The following PKD1 variants were observed in gnomAD, a reference collection of about 807,000 sequenced individuals.
PKD1 encodes polycystin-1.
In PKD1, 81 loss-of-function variants were observed where a neutral mutation model predicts 361.7. That is an observed-to-expected ratio of 0.22 (90% CI 0.19 to 0.27). The LOEUF is 0.27. Ranked by LOEUF, PKD1 falls within the 10% of genes least tolerant of loss-of-function variation. The pLI is 1.00. For synonymous variants in PKD1, 3,615 were observed against 2,818.3 expected, an observed-to-expected ratio of 1.28 and a Z score of -8.95; for missense variants, 6,399 against 6,118.3, an observed-to-expected ratio of 1.05 and a Z score of -1.53.
intron 1 of PKD1, chr16:2,135,269 C>T: frequency 1.0e-6 from 1 of 985,204 alleles, no homozygotes; most frequent in Non-Finnish European, 1.2e-6. Flanking sequence ...GGACGTCTGT[C>T]TCCAGACCCG....
chr16:2,097,085 G>T, intron 34 of PKD1, 63 bp downstream of exon 34: 1 of 1,158,992 alleles, frequency 8.6e-7, no homozygotes, highest in Non-Finnish European at 1.2e-6. Context: ...AACCACGGCT[G>T]CCTGGCCTGA....
chr16:2,103,076 C>T, intron 23 of PKD1, 106 bp from the exon 24 acceptor site: 1 of 1,363,358 alleles, frequency 7.3e-7, no homozygotes, highest in Non-Finnish European at 1.0e-6. Context: ...CCTGAAAGGC[C>T]ATAGGAGCCT....
At chr16:2,091,970 G>A in intron 40 of PKD1, 64 bp from the exon 41 acceptor site, 1 of 1,611,994 alleles carries the variant, frequency 6.2e-7, no homozygotes. Context: ...AGCCAGGCTG[G>A]TCAGGAGGCC....
At chr16:2,098,092 G>C (rs1360751543) in intron 30 of PKD1, 108 bp from the exon 31 acceptor site, 3 of 673,810 alleles carry the variant, frequency 4.5e-6, no homozygotes, top group Non-Finnish European at 8.1e-6. Context: ...CCATCTGACA[G>C]AATGTCCTAG....
At position 2,093,920 on chromosome 16, in the gene PKD1, G is replaced by A. The variant is rs779183324; in HGVS notation, c.10712C>T (p.Ala3571Val). ...GCTCGCACCCACCCACCCTGAGACA[G>A]CCACAGCCACAGCCACCAGGAGCAG... Reference protein sequence around the residue: ...LSLLLVAVAVAVSGWVGASFP... With the variant: ...LSLLLVAVAVVVSGWVGASFP... The change falls in exon 36 of 46, where the codon GCT (alanine) becomes GTT (valine). Residue 3571 changes from alanine (A) to valine (V), a missense_variant. By Grantham distance (64) the Ala-to-Val change is moderately conservative. Coordinates refer to ENST00000262304, the MANE Select transcript of PKD1 (RefSeq NM_001009944.3). The A allele has an allele frequency of 6.3e-6, 10 of 1,581,328 alleles. No individual in the cohort carries two copies. The South Asian group carries it at 9.1e-5, about 14-fold the overall frequency.
chr16:2,127,737 G>C (rs2092817086), intron 1 of PKD1, among the ~76,000 whole-genome samples: 1 of 151,302 alleles, frequency 6.6e-6, no homozygotes, highest in Non-Finnish European at 1.5e-5. Flanking sequence ...TTACAGGTGA[G>C]GAAACTGAGG....
rs2092506470 is a variant in PKD1 at position 2,111,566 on chromosome 16, C to T, written c.3601G>A (p.Ala1201Thr). ...LEVNNTVSGAAAQADVRVFEE... is the reference protein window; with the variant it reads ...LEVNNTVSGATAQADVRVFEE... ...AAGACGCGCACATCCGCCTGGGCCG[C>T]CGCACCGCTCACCGTGTTGTTGACC... The change falls in exon 15 of 46, where the codon GCG becomes ACG. Residue 1201 changes from alanine to threonine, a missense_variant. Transcript: ENST00000262304. 1.3e-6 allele frequency: 2 copies of T among 1,579,314 alleles called. No individual in the cohort carries two copies. Among genetic ancestry groups the T allele is most frequent in the Non-Finnish European group, 8.6e-7 (1 of 1,163,660 alleles).
chr16:2,107,042 G>T (rs2092363002), intron 16 of PKD1, 94 bp from the exon 17 acceptor site: 5 of 1,218,624 alleles, frequency 4.1e-6, no homozygotes, highest in Non-Finnish European at 5.9e-6. Flanking sequence ...CAAACTCCAG[G>T]TTTCCCAGGG....
chr16:2,105,689 G>A lies in PKD1; in HGVS notation c.7863+176C>T, dbSNP rs572886783. On this transcript the variant is annotated intron_variant, in intron 20 of 45. Coordinates refer to ENST00000262304, the MANE Select transcript of PKD1 (RefSeq NM_001009944.3). ...TGCATTGTGGAAAGCAGACGCCGGA[G>A]AGGGCCCGGTGGGTGTGGCTGCTGG... is the stretch of plus-strand genomic sequence containing the variant. 137 of 1,330,636 alleles carry A rather than the reference G, an allele frequency of 1.0e-4. 1 individual carries two copies. In the South Asian group the frequency reaches 1.5e-3, roughly 14 times the overall value. The allele number at this position is 1,330,636 out of a possible 1,614,324, so 82.4% of individuals were successfully genotyped here.
Position 2,089,803 on chromosome 16 carries a change from C to T in PKD1, c.12836G>A (p.Arg4279Gln), listed in dbSNP as rs557710665. 5.0e-6 allele frequency: 8 copies of T among 1,598,472 alleles called. No individual in the cohort carries two copies. The highest frequency in any genetic ancestry group is 1.7e-4 in the Middle Eastern group (1 of 5,828). ...ALPSRLARAS[R>Q]GVDLATGPSR... ...GGGGCCAGTGGCCAGGTCCACACCC[C>T]GACTGGCCCGGGCAAGGCGGCTGGG... The change falls in exon 46 of 46, where the codon CGG becomes CAG. Residue 4279 changes from arginine (R) to glutamine (Q), a missense_variant. Physicochemically the swap from Arg to Gln is conservative, Grantham distance 43 (BLOSUM62 1). Transcript: ENST00000262304.
At chr16:2,129,541 ATTTT>A (rs71148122) in intron 1 of PKD1, among the ~76,000 whole-genome samples, 8 of 72,088 alleles carry the variant, frequency 1.1e-4, no homozygotes, top group African/African-American at 4.4e-4. Flanking sequence ...AGATCCTGTG[ATTTT>A]TTTTTTTTTT....
In PKD1 at chr16:2,122,022, C is replaced by T. The variant is rs2549671; in HGVS notation, c.216-2644G>A. Among the ~76,000 whole-genome samples, 9 of 152,362 alleles carry T rather than the reference C, an allele frequency of 5.9e-5. No individual in the cohort carries two copies. In the South Asian group the frequency reaches 8.3e-4, roughly 14 times the overall value. On this transcript the variant is annotated intron_variant, in intron 1 of 45. Transcript: ENST00000262304. ...TCCGCTCCCACAGGAGCCTACCCGG[C>T]GCAGGAGAGACGCACACACAGGCTG...
At position 2,111,580 on chromosome 16, in the gene PKD1, G is replaced by A. The variant is rs570064884; in HGVS notation, c.3587C>T (p.Thr1196Met). 1.0e-5 allele frequency: 16 copies of A among 1,575,980 alleles called. No individual in the cohort carries two copies. The highest frequency in any genetic ancestry group is 9.4e-5 in the East Asian group (4 of 42,758). The stretch of plus-strand genomic sequence containing the variant: ...CGCCTGGGCCGCCGCACCGCTCACC[G>A]TGTTGTTGACCTCCAGGCGCACGTG... ...TYHVRLEVNN[T>M]VSGAAAQADV... Residue 1196 changes from threonine (T) to methionine (M), a missense_variant, in exon 15 of 46, where the codon ACG becomes ATG. Transcript: ENST00000262304.
chr16:2,130,262 G>A (rs202071938), intron 1 of PKD1, among the ~76,000 whole-genome samples: 31 of 152,262 alleles, frequency 2.0e-4, no homozygotes, highest in Admixed American at 7.2e-4. Context: ...GCCTCCGCTC[G>A]GCTGCCAGGG....
chr16:2,133,065 A>G (rs1430803649), intron 1 of PKD1: 1 of 143,986 alleles, frequency 6.9e-6, no homozygotes, highest in Non-Finnish European at 1.5e-5. Context: ...CTTGGCAACA[A>G]GAGTGAACTC....
Position 2,090,727 on chromosome 16 carries a change from C to A in PKD1, c.12085G>T (p.Val4029Phe). The A allele has an allele frequency of 6.2e-7, 1 of 1,612,588 alleles. No homozygotes were observed. The highest frequency in any genetic ancestry group is 8.5e-7 in the Non-Finnish European group (1 of 1,179,946). Residue 4029 changes from valine to phenylalanine, a missense_variant, in exon 44 of 46, where the codon GTC becomes TTC. By Grantham distance (50) the Val-to-Phe change is conservative. Coordinates refer to ENST00000262304, the MANE Select transcript of PKD1 (RefSeq NM_001009944.3). ...LCRALPELLG[V>F]TLGLVVLGVA... is the part of the protein sequence containing the mutation. ...CCGAGCACCACCAGGCCCAAGGTGA[C>A]CCCCAGGAGCTCTGGCAGAGCTCGG...
intron 1 of PKD1, among the ~76,000 whole-genome samples, chr16:2,127,250 G>A (rs548761409): frequency 2.6e-5 from 4 of 152,348 alleles, no homozygotes; most frequent in South Asian, 4.1e-4. Flanking sequence ...TACGTCAAAA[G>A]AACAAAAGGA....
rs759657491 is a variant in PKD1, at chr16:2,097,226, T to A, written c.10421A>T (p.Gln3474Leu). 9 of 1,581,454 alleles carry A rather than the reference T, an allele frequency of 5.7e-6. No homozygotes were observed. The Admixed American group carries it at 1.6e-4, about 29-fold the overall frequency. Residue 3474 changes from glutamine to leucine, a missense_variant, in exon 34 of 46, where the codon CAG (glutamine) becomes CTG (leucine). Gln to Leu is a moderately radical substitution (Grantham distance 113, BLOSUM62 -2). Transcript: ENST00000262304. ...GCTGACCCCCTCGGCAAGGACCTGC[T>A]GGATCAGGTCTTCATCTAGAGGTAC... ...SFSASDEDLI[Q>L]QVLAEGVSSP... is the part of the protein sequence containing the mutation.
In PKD1 at chr16:2,108,669, G is replaced by A. The variant is rs1340263285; in HGVS notation, c.6498C>T (p.Arg2166=). The A allele has an allele frequency of 1.9e-6, 3 of 1,565,936 alleles. No individual in the cohort carries two copies. The highest frequency in any genetic ancestry group is 1.9e-5 in the Admixed American group (1 of 53,766). The stretch of plus-strand genomic sequence containing the variant: ...GGTCAACGTGGGCCTCCAAGTAGTT[G>A]CGCTGTGATCGCCGCATCAGCACCT... ...PLQVLMRRSQ[R]NYLEAHVDLR... is the part of the protein sequence containing the mutation. The change falls in exon 15 of 46, where the codon CGC becomes CGT. Residue 2166 remains arginine (R), a synonymous_variant. Transcript: ENST00000262304.
Sources: gnomAD v4.1 joint callset for allele counts (sites outside exome capture counted in the v4.1 genomes callset) on GRCh38, gnomAD v4.1.1 for gene constraint, MANE v1.5 for transcripts, NCBI Gene and HGNC (gene_info 2026-07-23, HGNC 2026-07-21) for gene names.